SORCS1: variants seen among roughly 807,000 people sequenced by gnomAD.
The protein encoded by SORCS1 is VPS10 domain-containing receptor SorCS1.
SORCS1 carries 60 observed loss-of-function variants against 146.1 expected under a neutral mutation model. The ratio of observed to expected loss-of-function variants is 0.41; its 90% CI spans 0.33 to 0.51. SORCS1 has a LOEUF of 0.51. Ranked by LOEUF, SORCS1 falls within the 20% of genes least tolerant of loss-of-function variation. The probability of loss-of-function intolerance (pLI) is 0.21; values close to 1 mark genes in which losing one functional copy is unlikely to be tolerated. For synonymous variants in SORCS1, 637 were observed against 584.0 expected, an observed-to-expected ratio of 1.09 and a Z score of -1.31; for missense variants, 1,352 against 1,487.6, an observed-to-expected ratio of 0.91 and a Z score of 1.50.
At chr10:107,057,949 A>G (rs1157208173) in intron 1 of SORCS1, among the ~76,000 whole-genome samples, 1 of 152,074 alleles carries the variant, frequency 6.6e-6, no homozygotes, top group Non-Finnish European at 1.5e-5. Context: ...CTCCCAAGAA[A>G]CTGGGACTAC....
intron 2 of SORCS1, among the ~76,000 whole-genome samples, chr10:106,850,430 C>A (rs191093218): frequency 0.038 from 5,711 of 152,126 alleles, 289 homozygotes; most frequent in East Asian, 0.24. Context: ...GGCAATGCCT[C>A]GCCCTGCTTC....
intron 19 of SORCS1, among the ~76,000 whole-genome samples, chr10:106,626,150 C>T (rs1307127455): frequency 1.3e-5 from 2 of 151,902 alleles, no homozygotes; most frequent in Admixed American, 6.6e-5. Flanking sequence ...GGAGAGTGGT[C>T]GGAATGTGTA....
In SORCS1 at chr10:106,661,121, A is replaced by G. The variant is rs181904522; in HGVS notation, c.2303+6568T>C. The stretch of plus-strand genomic sequence containing the variant: ...GTATAAACAAGATTTAACCATATAT[A>G]AGTATCACTGAATGAGCTTGTGCTT... On this transcript the variant is annotated intron_variant, in intron 17 of 25. Coordinates refer to ENST00000263054, the MANE Select transcript of SORCS1 (RefSeq NM_052918.5). Among the ~76,000 whole-genome samples, 136 of 152,360 alleles carry G rather than the reference A, an allele frequency of 8.9e-4. 1 individual carries two copies. Among genetic ancestry groups the G allele is most frequent in the Middle Eastern group, 3.4e-3 (1 of 294 alleles).
intron 22 of SORCS1, among the ~76,000 whole-genome samples, chr10:106,611,536 T>C (rs1490889567): frequency 6.6e-6 from 1 of 152,212 alleles, no homozygotes; most frequent in African/African-American, 2.4e-5. Context: ...ACTTACATGC[T>C]GAGTTCCTTC....
Position 106,607,283 on chromosome 10 carries a change from T to G in SORCS1, c.3048A>C (p.Pro1016=), listed in dbSNP as rs374505694. ...KKSLVEATGV[P]GQHILVAVLP... ...GCACCGCCACCAGGATGTGCTGGCCTGGAACCCCTGTGGCCTGAGGGACAG... is the reference window on the plus strand; with the variant it reads ...GCACCGCCACCAGGATGTGCTGGCCGGGAACCCCTGTGGCCTGAGGGACAG... The change falls in exon 23 of 26, where the codon CCA becomes CCC. Residue 1016 remains proline (P), a synonymous_variant. Coordinates refer to ENST00000263054, the MANE Select transcript of SORCS1 (RefSeq NM_052918.5). The G allele has an allele frequency of 1.2e-5, 20 of 1,613,940 alleles. No individual in the cohort carries two copies. The highest frequency in any genetic ancestry group is 1.5e-5 in the Non-Finnish European group (18 of 1,179,978).
chr10:106,579,665 TC>T (rs1437195898), intron 24 of SORCS1, among the ~76,000 whole-genome samples, 191 bp from the exon 25 acceptor site: 1 of 151,882 alleles, frequency 6.6e-6, no homozygotes, highest in Non-Finnish European at 1.5e-5. Context: ...CCCCAAATGT[TC>T]CTGCTCTGCA....
At chr10:106,917,535 AGAT>A (rs1952504614) in intron 2 of SORCS1, among the ~76,000 whole-genome samples, 2 of 152,228 alleles carry the variant, frequency 1.3e-5, no homozygotes, top group South Asian at 4.1e-4. Flanking sequence ...CCTGGAGGAC[AGAT>A]GACTCTTTTT....
chr10:106,673,453 C>T (rs1016617454), intron 14 of SORCS1, among the ~76,000 whole-genome samples: 47 of 152,176 alleles, frequency 3.1e-4, no homozygotes, highest in Middle Eastern at 3.4e-3. Flanking sequence ...TTACTGGATC[C>T]ACTTCGCAGA....
chr10:106,670,221 T>G (rs1851484942), intron 16 of SORCS1, among the ~76,000 whole-genome samples: 1 of 152,220 alleles, frequency 6.6e-6, no homozygotes, highest in African/African-American at 2.4e-5. Context: ...CTCAATACTT[T>G]GTAAGCCTTA....
rs1482258829 is a variant in SORCS1, at chr10:106,869,744, G to A, written c.627-40071C>T. On this transcript the variant is annotated intron_variant, in intron 2 of 25. Coordinates refer to ENST00000263054, the MANE Select transcript of SORCS1 (RefSeq NM_052918.5). ...ACCCACAGCCAACATCATACTGAAT[G>A]GGCAACAGCTGAAAACATTCCCCTT... 2.6e-5 allele frequency among the ~76,000 whole-genome samples: 4 copies of A among 152,114 alleles called. No homozygotes were observed. In the East Asian group the frequency reaches 7.7e-4, roughly 29 times the overall value.
intron 1 of SORCS1, among the ~76,000 whole-genome samples, chr10:107,050,188 A>G (rs1234015917): frequency 6.6e-6 from 1 of 152,222 alleles, no homozygotes; most frequent in Non-Finnish European, 1.5e-5. Context: ...AATCTCAGGT[A>G]TTAGCGGATT....
chr10:107,037,056 G>A (rs2133966163), intron 1 of SORCS1, among the ~76,000 whole-genome samples: 1 of 152,118 alleles, frequency 6.6e-6, no homozygotes, highest in African/African-American at 2.4e-5. Flanking sequence ...GACCAGCCTG[G>A]CTAACATGGT....
intron 24 of SORCS1, among the ~76,000 whole-genome samples, chr10:106,584,109 T>C (rs1206089107): frequency 6.6e-6 from 1 of 152,220 alleles, no homozygotes; most frequent in Non-Finnish European, 1.5e-5. Flanking sequence ...TTGAGTTATA[T>C]GCTTTGAATA....
chr10:106,974,128 C>T (rs985818826), intron 1 of SORCS1, among the ~76,000 whole-genome samples: 6 of 152,124 alleles, frequency 3.9e-5, no homozygotes, highest in African/African-American at 9.7e-5. Context: ...ATCATAGCTA[C>T]TGTTATTTAT....
chr10:106,912,530 C>T (rs1589690128), intron 2 of SORCS1, among the ~76,000 whole-genome samples: 1 of 152,174 alleles, frequency 6.6e-6, no homozygotes, highest in South Asian at 2.1e-4. Flanking sequence ...TTCGGACCAC[C>T]ACTTTCTAAG....
At chr10:107,132,119 A>G (rs373381859) in intron 1 of SORCS1, among the ~76,000 whole-genome samples, 124 of 151,966 alleles carry the variant, frequency 8.2e-4, no homozygotes, top group African/African-American at 2.9e-3. Context: ...ATACAGGTCA[A>G]TTTCTCTCTC....
chr10:106,600,205 A>G (rs373267834), intron 23 of SORCS1: 14 of 444,680 alleles, frequency 3.1e-5, no homozygotes, highest in African/African-American at 2.8e-4. Flanking sequence ...AATCTCCAGG[A>G]GAGACCCTTG....
At chr10:106,686,284 A>G (rs1392246766) in intron 10 of SORCS1, among the ~76,000 whole-genome samples, 2 of 152,168 alleles carry the variant, frequency 1.3e-5, no homozygotes, top group African/African-American at 4.8e-5. Flanking sequence ...TTTTGGAAGT[A>G]CAACAATAAG....
At chr10:107,081,674 G>T (rs931290965) in intron 1 of SORCS1, among the ~76,000 whole-genome samples, 1 of 151,824 alleles carries the variant, frequency 6.6e-6, no homozygotes, top group Non-Finnish European at 1.5e-5. Context: ...AATATACAAA[G>T]ACACAAAGAA....
Sources: gnomAD v4.1 joint callset for allele counts (sites outside exome capture counted in the v4.1 genomes callset) on GRCh38, gnomAD v4.1.1 for gene constraint, MANE v1.5 for transcripts, NCBI Gene and HGNC (gene_info 2026-07-23, HGNC 2026-07-21) for gene names.